The following CDK14 variants were observed in gnomAD, a reference collection of about 807,000 sequenced individuals.
CDK14 encodes cyclin dependent kinase 14, also known as cyclin-dependent kinase 14.
A neutral mutation model predicts 60.7 loss-of-function variants in CDK14; 34 were observed. That is an observed-to-expected ratio of 0.56 (90% CI 0.43 to 0.75). The LOEUF (loss-of-function observed/expected upper bound fraction) is 0.75, where lower values mean the gene tolerates loss of function less well. Ranked by LOEUF, CDK14 falls within the 30% of genes least tolerant of loss-of-function variation. The pLI is 0.00. For synonymous variants in CDK14, 197 were observed against 203.7 expected (o/e 0.97, Z 0.28); for missense variants, 482 against 564.1 (o/e 0.85, Z 1.47).
intron 10 of CDK14, among the ~76,000 whole-genome samples, chr7:91,037,354 A>G (rs560911646): frequency 6.6e-6 from 1 of 152,210 alleles, no homozygotes; most frequent in Non-Finnish European, 1.5e-5. Context: ...AACATTATAC[A>G]GAATATACAT....
At chr7:90,616,604 C>G (rs1241270568) in intron 2 of CDK14, among the ~76,000 whole-genome samples, 5 of 152,014 alleles carry the variant, frequency 3.3e-5, no homozygotes, top group Non-Finnish European at 7.4e-5. Context: ...AAAACTTTCC[C>G]CAAGAGGTTT....
At chr7:91,149,544 A>G (rs1205147683) in intron 14 of CDK14, among the ~76,000 whole-genome samples, 2 of 152,180 alleles carry the variant, frequency 1.3e-5, no homozygotes, top group African/African-American at 2.4e-5. Context: ...AAAAGAACAT[A>G]TGTTACAATC....
chr7:91,168,805 T>C (rs1312498449), intron 14 of CDK14, among the ~76,000 whole-genome samples: 1 of 152,218 alleles, frequency 6.6e-6, no homozygotes, highest in Non-Finnish European at 1.5e-5. Flanking sequence ...AGGGAGATTA[T>C]TATTTTCAAT....
At chr7:90,949,073 T>TA (rs1794180032) in intron 8 of CDK14, among the ~76,000 whole-genome samples, 1 of 152,234 alleles carries the variant, frequency 6.6e-6, no homozygotes, top group Non-Finnish European at 1.5e-5. Context: ...GTAATTCCTA[T>TA]ACTGTATATG....
At chr7:90,808,277 C>T (rs1562779511) in intron 5 of CDK14, among the ~76,000 whole-genome samples, 2 of 152,252 alleles carry the variant, frequency 1.3e-5, no homozygotes, top group East Asian at 3.9e-4. Context: ...TTGGCAGAAA[C>T]CCTACAAGCC....
chr7:91,014,684 TA>T (rs2115836077), intron 10 of CDK14, among the ~76,000 whole-genome samples: 1 of 152,308 alleles, frequency 6.6e-6, no homozygotes, highest in East Asian at 1.9e-4. Context: ...TCATTGTCAT[TA>T]AAGTAGGTTA....
chr7:91,010,952 A>G (rs1011984014), intron 10 of CDK14, among the ~76,000 whole-genome samples: 4 of 148,864 alleles, frequency 2.7e-5, no homozygotes, highest in African/African-American at 9.9e-5. Flanking sequence ...ACATTCTTGC[A>G]TTGTTCTTAA....
intron 11 of CDK14, among the ~76,000 whole-genome samples, chr7:91,067,303 C>G (rs1038955432): frequency 6.6e-6 from 1 of 152,100 alleles, no homozygotes; most frequent in Admixed American, 6.6e-5. Context: ...ATGTCATGTT[C>G]GTGGCAGAAA....
At chr7:90,689,995 G>A (rs1441167025) in intron 2 of CDK14, among the ~76,000 whole-genome samples, 1 of 152,048 alleles carries the variant, frequency 6.6e-6, no homozygotes. Context: ...CTTACATTAC[G>A]AAGACTAACT....
At chr7:91,162,203 A>C (rs1358875078) in intron 14 of CDK14, among the ~76,000 whole-genome samples, 7 of 152,252 alleles carry the variant, frequency 4.6e-5, no homozygotes, top group South Asian at 2.1e-4. Context: ...ATTAGATTAC[A>C]TAAGGATTCT....
chr7:90,760,821 C>T lies in CDK14; in HGVS notation c.464+13046C>T, dbSNP rs550384090. Among the ~76,000 whole-genome samples, 4 of 152,208 alleles carry T rather than the reference C, an allele frequency of 2.6e-5. No homozygotes were observed. In the East Asian group the frequency reaches 5.8e-4, roughly 22 times the overall value. The stretch of plus-strand genomic sequence containing the variant: ...ATGCAGTTCACAATATGGGATTTTC[C>T]GATCTGTGTTCCTTCAGATCTGTGT... On this transcript the variant is annotated intron_variant, in intron 4 of 14. Transcript: ENST00000380050.
intron 2 of CDK14, among the ~76,000 whole-genome samples, chr7:90,630,500 A>G (rs1202102320): frequency 6.6e-6 from 1 of 152,214 alleles, no homozygotes; most frequent in African/African-American, 2.4e-5. Context: ...GCAACACATG[A>G]CTGTATTCTG....
intron 2 of CDK14, among the ~76,000 whole-genome samples, chr7:90,711,603 T>C (rs552479539): frequency 6.6e-6 from 1 of 152,238 alleles, no homozygotes; most frequent in South Asian, 2.1e-4. Flanking sequence ...TCTGCAAATA[T>C]TGATTAGCCA....
intron 11 of CDK14, among the ~76,000 whole-genome samples, chr7:91,073,759 CT>C (rs547026710): frequency 1.4e-3 from 217 of 150,224 alleles, no homozygotes; most frequent in African/African-American, 5.0e-3. Context: ...CGAGACCCAT[CT>C]CATGTGCAGA....
intron 2 of CDK14, among the ~76,000 whole-genome samples, chr7:90,694,850 T>C (rs141032090): frequency 6.6e-6 from 1 of 152,344 alleles, no homozygotes; most frequent in East Asian, 1.9e-4. Flanking sequence ...AAACTATGAA[T>C]GCCTTTTAGG....
At chr7:91,131,931 T>C (rs1800129974) in intron 14 of CDK14, among the ~76,000 whole-genome samples, 1 of 152,170 alleles carries the variant, frequency 6.6e-6, no homozygotes, top group Non-Finnish European at 1.5e-5. Flanking sequence ...TTTTGAAATA[T>C]TGATTGACTT....
At chr7:90,602,022 G>T (rs959538110) in intron 1 of CDK14, among the ~76,000 whole-genome samples, 1 of 152,060 alleles carries the variant, frequency 6.6e-6, no homozygotes, top group Admixed American at 6.6e-5. Flanking sequence ...GCCCAGGCTG[G>T]TCTCAAACTC....
chr7:90,821,825 C>G (rs1789561096), intron 5 of CDK14, among the ~76,000 whole-genome samples: 1 of 152,190 alleles, frequency 6.6e-6, no homozygotes, highest in Admixed American at 6.5e-5. Flanking sequence ...TTCTCCCTAT[C>G]TTCAGTGTCT....
In CDK14 at chr7:90,915,174, C is replaced by T. The variant is rs536329958; in HGVS notation, c.703-2427C>T. Among the ~76,000 whole-genome samples the T allele has an allele frequency of 1.2e-4, 19 of 152,226 alleles. No individual in the cohort carries two copies. The East Asian group carries it at 2.7e-3, about 22-fold the overall frequency. On this transcript the variant is annotated intron_variant, in intron 7 of 14. Transcript: ENST00000380050. ...GAGTAGAGGCAAGGATAATAGCTCA[C>T]GCCTGTAATCCCAGCACTTTGGGAG...
Sources: gnomAD v4.1 joint callset for allele counts (sites outside exome capture counted in the v4.1 genomes callset) on GRCh38, gnomAD v4.1.1 for gene constraint, MANE v1.5 for transcripts, NCBI Gene and HGNC (gene_info 2026-07-23, HGNC 2026-07-21) for gene names.